ANKRD9: variants seen among roughly 807,000 people sequenced by gnomAD.
The protein encoded by ANKRD9 is ankyrin repeat domain-containing protein 9.
In ANKRD9, 13 loss-of-function variants were observed where a neutral mutation model predicts 19.2. The ratio of observed to expected loss-of-function variants is 0.68; its 90% CI spans 0.44 to 1.08. The LOEUF (loss-of-function observed/expected upper bound fraction) is 1.08, where lower values mean the gene tolerates loss of function less well. Among genes scored for constraint, ANKRD9 ranks in the 50% least tolerant of loss-of-function variants. The pLI is 0.00. For missense variants in ANKRD9, 518 were observed against 499.9 expected (o/e 1.04, Z -0.34); for synonymous variants, 278 against 256.8 (o/e 1.08, Z -0.79).
In ANKRD9 at chr14:102,507,899, G is replaced by A; in HGVS notation, c.-10C>T. ...GCGCGTCCCACGGCATGCTGGCGGC[G>A]GGGCGTTCCTGGGCCTCAAGGCATG... On this transcript the variant is annotated 5_prime_UTR_variant, in exon 4 of 4. Transcript: ENST00000286918. The surrounding 1 kb of genome is among the most constrained non-coding windows in gnomAD (Gnocchi z 9.2). The A allele has an allele frequency of 9.0e-7, 1 of 1,110,500 alleles. No homozygotes were observed. Among genetic ancestry groups the A allele is most frequent in the Non-Finnish European group, 1.1e-6 (1 of 900,728 alleles). 68.8% of individuals were successfully genotyped at this position (1,110,500 alleles called of 1,614,324 possible). A position where few individuals can be genotyped will look rare whatever the true frequency, so the allele number is the denominator to read the frequency against.
chr14:102,506,978 C>T lies in ANKRD9; in HGVS notation c.912G>A (p.Leu304=). Residue 304 remains leucine, a synonymous_variant, in exon 4 of 4, where the codon CTG becomes CTA. Coordinates refer to ENST00000286918, the MANE Select transcript of ANKRD9 (RefSeq NM_152326.4). ...RFPEALDELP[L]PPFLQPLDLT... is the part of the protein sequence containing the mutation. ...GGTCCAACGGCTGCAGGAATGGGGG[C>T]AGCGGCAGCTCGTCCAGGGCCTCGG... The T allele has an allele frequency of 6.4e-7, 1 of 1,568,154 alleles. No homozygotes were observed. Among genetic ancestry groups the T allele is most frequent in the Admixed American group, 1.8e-5 (1 of 55,426 alleles).
rs534945702 is a variant in ANKRD9 at position 102,505,236 on chromosome 14, CCT to C, written c.*1698_*1699del. 2.0e-3 allele frequency: 303 copies of C among 152,248 alleles called. 3 individuals carry two copies. The highest frequency in any genetic ancestry group is 7.2e-3 in the African/African-American group (297 of 41,522). 9.4% of individuals were successfully genotyped at this position (152,248 alleles called of 1,614,324 possible). A position where few individuals can be genotyped will look rare whatever the true frequency, so the allele number is the denominator to read the frequency against. ...ACCACGGCAGCTGCGCCAGGCCACTCCTGTCTCCACTTCCATACCCTCCAAAG... is the reference window on the plus strand; with the variant it reads ...ACCACGGCAGCTGCGCCAGGCCACTCGTCTCCACTTCCATACCCTCCAAAG... On this transcript the variant is annotated 3_prime_UTR_variant, in exon 4 of 4. Coordinates refer to ENST00000286918, the MANE Select transcript of ANKRD9 (RefSeq NM_152326.4).
In ANKRD9 at chr14:102,508,622, T is replaced by G. The variant is rs561500393; in HGVS notation, c.-129+19A>C. On this transcript the variant is annotated intron_variant, in intron 2 of 3. Transcript: ENST00000286918. This position sits in a 1 kb window ranked among gnomAD's most constrained non-coding sequence, Gnocchi z 6.2. ...CCTGGGGCGTGGCACCAGCCCTCTA[T>G]CCAAACATGTTTGCTTACACGTTAG... is the stretch of plus-strand genomic sequence containing the variant. The G allele has an allele frequency of 6.6e-6, 1 of 152,276 alleles. No homozygotes were observed. The highest frequency in any genetic ancestry group is 2.4e-5 in the African/African-American group (1 of 41,528). 9.4% of individuals were successfully genotyped at this position (152,276 alleles called of 1,614,324 possible). A position where few individuals can be genotyped will look rare whatever the true frequency, so the allele number is the denominator to read the frequency against.
At position 102,506,975 on chromosome 14, in the gene ANKRD9, G is replaced by A; in HGVS notation, c.915C>T (p.Pro305=). Residue 305 remains proline (P), a synonymous_variant, in exon 4 of 4, where the codon CCC becomes CCT. Transcript: ENST00000286918. ...FPEALDELPL[P]PFLQPLDLTG... is the part of the protein sequence containing the mutation. Reference sequence around the variant, plus strand: ...TGAGGTCCAACGGCTGCAGGAATGGGGGCAGCGGCAGCTCGTCCAGGGCCT... The same window carrying A: ...TGAGGTCCAACGGCTGCAGGAATGGAGGCAGCGGCAGCTCGTCCAGGGCCT... 6.4e-7 allele frequency: 1 copy of A among 1,566,570 alleles called. No homozygotes were observed.
rs758165886 is a variant in ANKRD9, at chr14:102,506,903, G to A, written c.*33C>T. On this transcript the variant is annotated 3_prime_UTR_variant, in exon 4 of 4. Transcript: ENST00000286918. ...GTACAACGCTCTGAAAAATAGTTTT[G>A]TCCCAAAATCCAGCGCCTAGGGTGC... 2.1e-6 allele frequency: 3 copies of A among 1,430,418 alleles called. No homozygotes were observed. Among genetic ancestry groups the A allele is most frequent in the East Asian group, 2.7e-5 (1 of 36,854 alleles). The allele number at this position is 1,430,418 out of a possible 1,614,324, so 88.6% of individuals were successfully genotyped here. A position where few individuals can be genotyped will look rare whatever the true frequency, so the allele number is the denominator to read the frequency against.
rs1332061135 is a variant in ANKRD9, at chr14:102,507,522, T to C, written c.368A>G (p.Tyr123Cys). 5.9e-6 allele frequency: 8 copies of C among 1,354,090 alleles called. No individual in the cohort carries two copies. The highest frequency in any genetic ancestry group is 1.6e-5 in the South Asian group (1 of 64,164). The allele number at this position is 1,354,090 out of a possible 1,614,324, so 83.9% of individuals were successfully genotyped here. ...PGPHVALAVR[Y>C]NRVGILRRIL... ...GCGGCGCAGAATGCCCACGCGGTTGTAGCGCACTGCCAGCGCCACGTGCGG... is the reference window on the plus strand; with the variant it reads ...GCGGCGCAGAATGCCCACGCGGTTGCAGCGCACTGCCAGCGCCACGTGCGG... The change falls in exon 4 of 4, where the codon TAC becomes TGC. Residue 123 changes from tyrosine to cysteine, a missense_variant. Coordinates refer to ENST00000286918, the MANE Select transcript of ANKRD9 (RefSeq NM_152326.4). This position sits in a 1 kb window ranked among gnomAD's most constrained non-coding sequence, Gnocchi z 9.2.
chr14:102,507,759 A>C lies in ANKRD9; in HGVS notation c.131T>G (p.Leu44Arg), dbSNP rs1196651158. The stretch of plus-strand genomic sequence containing the variant: ...ATCCTCCAGCAGCCACACGGGTAGC[A>C]GGTCGCGCACCGCCTGGTAGAAGGC... ...SFAFYQAVRDLLPVWLLEDMR... is the reference protein window; with the variant it reads ...SFAFYQAVRDRLPVWLLEDMR... Residue 44 changes from leucine (L) to arginine (R), a missense_variant, in exon 4 of 4, where the codon CTG (leucine) becomes CGG (arginine). Leu to Arg is a moderately radical substitution (Grantham distance 102, BLOSUM62 -2). Transcript: ENST00000286918. The surrounding 1 kb of genome is among the most constrained non-coding windows in gnomAD (Gnocchi z 9.2). The C allele has an allele frequency of 7.1e-7, 1 of 1,399,272 alleles. No homozygotes were observed. The highest frequency in any genetic ancestry group is 9.4e-7 in the Non-Finnish European group (1 of 1,060,818). 86.7% of individuals were successfully genotyped at this position (1,399,272 alleles called of 1,614,324 possible).
At position 102,506,769 on chromosome 14, in the gene ANKRD9, G is replaced by C. The variant is rs901532891; in HGVS notation, c.*167C>G. On this transcript the variant is annotated 3_prime_UTR_variant, in exon 4 of 4. Coordinates refer to ENST00000286918, the MANE Select transcript of ANKRD9 (RefSeq NM_152326.4). ...GAAGGCCCGAGCCCAGCTGCACCCA[G>C]AAAACCTGCCACTTGGAACTCACCT... 2.8e-6 allele frequency: 3 copies of C among 1,055,452 alleles called. No homozygotes were observed. Among genetic ancestry groups the C allele is most frequent in the Non-Finnish European group, 2.4e-6 (2 of 821,748 alleles). The allele number at this position is 1,055,452 out of a possible 1,614,324, so 65.4% of individuals were successfully genotyped here.
rs1891606236 is a variant in ANKRD9 at position 102,506,945 on chromosome 14, G to C, written c.945C>G (p.Gly315=). The part of the protein sequence containing the change: ...PPFLQPLDLT[G]KG ...CTAGGGTGCTCCGGGCCTAGCCTTT[G>C]CCAGTGAGGTCCAACGGCTGCAGGA... The change falls in exon 4 of 4, where the codon GGC becomes GGG. Residue 315 remains glycine, a synonymous_variant. Coordinates refer to ENST00000286918, the MANE Select transcript of ANKRD9 (RefSeq NM_152326.4). The C allele has an allele frequency of 6.6e-7, 1 of 1,517,676 alleles. No homozygotes were observed. The highest frequency in any genetic ancestry group is 1.2e-5 in the South Asian group (1 of 80,400). The allele number at this position is 1,517,676 out of a possible 1,614,324, so 94.0% of individuals were successfully genotyped here.
At position 102,509,753 on chromosome 14, in the gene ANKRD9, C is replaced by A. The variant is rs1271893869; in HGVS notation, c.-559G>T. 6.8e-6 allele frequency: 1 copy of A among 146,208 alleles called. No homozygotes were observed. The highest frequency in any genetic ancestry group is 2.0e-4 in the East Asian group (1 of 5,026). The allele number at this position is 146,208 out of a possible 1,614,324, so 9.1% of individuals were successfully genotyped here. On this transcript the variant is annotated 5_prime_UTR_variant, in exon 1 of 4. Coordinates refer to ENST00000286918, the MANE Select transcript of ANKRD9 (RefSeq NM_152326.4). ...GCGGCGGGCGGCGGGCGGCGGGCGG[C>A]GCAGTGCGGCCCCGGCCAGGCAGGA...
chr14:102,509,335 C>G (rs950371955), intron 1 of ANKRD9, 194 bp downstream of exon 1: 3 of 152,066 alleles, frequency 2.0e-5, no homozygotes, highest in African/African-American at 4.8e-5. Context: ...AGCGCCGCGC[C>G]CGGGGCCACC....
rs563173823 is a variant in ANKRD9 at position 102,508,019 on chromosome 14, C to A, written c.-53-77G>T. ...CGGGGACTCCCCTCTGCCCCTCACA[C>A]AGCCCCTCCGGTCCTGGCCCACCAG... On this transcript the variant is annotated intron_variant, in intron 3 of 3. Coordinates refer to ENST00000286918, the MANE Select transcript of ANKRD9 (RefSeq NM_152326.4). The surrounding 1 kb of genome is among the most constrained non-coding windows in gnomAD (Gnocchi z 6.2). 9.4e-5 allele frequency: 94 copies of A among 998,878 alleles called. No individual in the cohort carries two copies. The highest frequency in any genetic ancestry group is 1.1e-4 in the Non-Finnish European group (89 of 819,554). 61.9% of individuals were successfully genotyped at this position (998,878 alleles called of 1,614,324 possible).
chr14:102,509,032 C>T (rs1431826769), intron 1 of ANKRD9, 186 bp from the exon 2 acceptor site: 2 of 152,356 alleles, frequency 1.3e-5, no homozygotes, highest in African/African-American at 4.8e-5. Context: ...AGGGTAAGCC[C>T]TTGGTCACAA....
rs773173218 is a variant in ANKRD9, at chr14:102,507,626, C to T, written c.264G>A (p.Ala88=). ...YALVHDHQAY[A]HYLLATFPRR... The stretch of plus-strand genomic sequence containing the variant: ...GCGGGAACGTGGCCAGCAGGTAATG[C>T]GCGTACGCTTGGTGGTCGTGCACGA... Residue 88 remains alanine, a synonymous_variant, in exon 4 of 4, where the codon GCG becomes GCA. Transcript: ENST00000286918. This position sits in a 1 kb window ranked among gnomAD's most constrained non-coding sequence, Gnocchi z 9.2. 1.3e-6 allele frequency: 2 copies of T among 1,525,652 alleles called. No homozygotes were observed. Among genetic ancestry groups the T allele is most frequent in the African/African-American group, 1.4e-5 (1 of 70,048 alleles). The allele number at this position is 1,525,652 out of a possible 1,614,324, so 94.5% of individuals were successfully genotyped here.
chr14:102,507,607 A>T lies in ANKRD9; in HGVS notation c.283T>A (p.Phe95Ile). 8 of 1,478,316 alleles carry T rather than the reference A, an allele frequency of 5.4e-6. No homozygotes were observed. Among genetic ancestry groups the T allele is most frequent in the Non-Finnish European group, 7.2e-6 (8 of 1,115,190 alleles). The allele number at this position is 1,478,316 out of a possible 1,614,324, so 91.6% of individuals were successfully genotyped here. A position where few individuals can be genotyped will look rare whatever the true frequency, so the allele number is the denominator to read the frequency against. The change falls in exon 4 of 4, where the codon TTC becomes ATC. Residue 95 changes from phenylalanine (F) to isoleucine (I), a missense_variant. Transcript: ENST00000286918. This position sits in a 1 kb window ranked among gnomAD's most constrained non-coding sequence, Gnocchi z 9.2. ...QAYAHYLLAT[F>I]PRRALAPPSA... ...GGCGGTGCGAGCGCGCGCCGCGGGA[A>T]CGTGGCCAGCAGGTAATGCGCGTAC...
In ANKRD9 at chr14:102,507,630, T is replaced by A; in HGVS notation, c.260A>T (p.Tyr87Phe). The part of the protein sequence containing the change: ...LYALVHDHQA[Y>F]AHYLLATFPR... ...GAACGTGGCCAGCAGGTAATGCGCG[T>A]ACGCTTGGTGGTCGTGCACGAGCGC... The change falls in exon 4 of 4, where the codon TAC (tyrosine) becomes TTC (phenylalanine). Residue 87 changes from tyrosine (Y) to phenylalanine (F), a missense_variant. Transcript: ENST00000286918. This position sits in a 1 kb window ranked among gnomAD's most constrained non-coding sequence, Gnocchi z 9.2. 6.5e-7 allele frequency: 1 copy of A among 1,532,578 alleles called. No individual in the cohort carries two copies. 94.9% of individuals were successfully genotyped at this position (1,532,578 alleles called of 1,614,324 possible).
In ANKRD9 at chr14:102,509,760, C is replaced by A. The variant is rs1440704946; in HGVS notation, c.-566G>T. 6.8e-6 allele frequency: 1 copy of A among 146,614 alleles called. No homozygotes were observed. The allele number at this position is 146,614 out of a possible 1,614,324, so 9.1% of individuals were successfully genotyped here. On this transcript the variant is annotated 5_prime_UTR_variant, in exon 1 of 4. Transcript: ENST00000286918. ...GCGGCGGGCGGCGGGCGGCGCAGTGCGGCCCCGGCCAGGCAGGACAGCGGG... is the reference window on the plus strand; with the variant it reads ...GCGGCGGGCGGCGGGCGGCGCAGTGAGGCCCCGGCCAGGCAGGACAGCGGG...
At position 102,507,747 on chromosome 14, in the gene ANKRD9, C is replaced by T. The variant is rs1891660389; in HGVS notation, c.143G>A (p.Trp48Ter). The T allele has an allele frequency of 2.0e-6, 3 of 1,516,700 alleles. No homozygotes were observed. Among genetic ancestry groups the T allele is most frequent in the Non-Finnish European group, 2.6e-6 (3 of 1,135,046 alleles). The allele number at this position is 1,516,700 out of a possible 1,614,324, so 94.0% of individuals were successfully genotyped here. The stretch of plus-strand genomic sequence containing the variant: ...GCTGGCGCGCATATCCTCCAGCAGC[C>T]ACACGGGTAGCAGGTCGCGCACCGC... Reference protein sequence around the residue: ...YQAVRDLLPVWLLEDMRASEA... With the variant: ...YQAVRDLLPV Residue 48 changes from tryptophan (W) to a stop codon, truncating the protein, a stop_gained, in exon 4 of 4, where the codon TGG (tryptophan) becomes TAG (stop). Transcript: ENST00000286918. LOFTEE classifies it high-confidence loss of function. The surrounding 1 kb of genome is among the most constrained non-coding windows in gnomAD (Gnocchi z 9.2).
rs951575218 is a variant in ANKRD9, at chr14:102,503,603, G to A, written c.*3333C>T. 2 of 152,136 alleles carry A rather than the reference G, an allele frequency of 1.3e-5. No individual in the cohort carries two copies. Among genetic ancestry groups the A allele is most frequent in the African/African-American group, 4.8e-5 (2 of 41,408 alleles). The allele number at this position is 152,136 out of a possible 1,614,324, so 9.4% of individuals were successfully genotyped here. The stretch of plus-strand genomic sequence containing the variant: ...AGCCTTTCCTTCCATCTTGATTGCA[G>A]TGGTGATTACACACATGTAGACATT... On this transcript the variant is annotated 3_prime_UTR_variant, in exon 4 of 4. Transcript: ENST00000286918.
Sources: allele counts gnomAD v4.1 joint callset, GRCh38; gene constraint gnomAD v4.1.1; non-coding constraint Gnocchi (gnomAD v3.1); transcripts MANE v1.5; gene names NCBI Gene and HGNC (gene_info 2026-07-23, HGNC 2026-07-21).